PLA2G7: variants seen among roughly 807,000 people sequenced by gnomAD.
The protein encoded by PLA2G7 is platelet-activating factor acetylhydrolase.
A neutral mutation model predicts 49.6 loss-of-function variants in PLA2G7; 63 were observed. The ratio of observed to expected loss-of-function variants is 1.27; its 90% CI spans 1.04 to 1.57. The LOEUF (loss-of-function observed/expected upper bound fraction) is 1.57. PLA2G7 is among the 40% of genes most tolerant of loss of function. The pLI, the probability that PLA2G7 is intolerant of heterozygous loss-of-function variation, is 0.00. For synonymous variants in PLA2G7, 193 were observed against 169.9 expected, an observed-to-expected ratio of 1.14 and a Z score of -1.06; for missense variants, 596 against 521.2, an observed-to-expected ratio of 1.14 and a Z score of -1.40.
At chr6:46,723,283 A>T (rs1225438663) in intron 1 of PLA2G7, among the ~76,000 whole-genome samples, 1 of 152,222 alleles carries the variant, frequency 6.6e-6, no homozygotes, top group Non-Finnish European at 1.5e-5. Flanking sequence ...AATAATATCC[A>T]TAGGTATGTC....
At chr6:46,721,293 C>A (rs1205258609) in intron 2 of PLA2G7, among the ~76,000 whole-genome samples, 1 of 151,934 alleles carries the variant, frequency 6.6e-6, no homozygotes, top group Non-Finnish European at 1.5e-5. Context: ...AGTGATCCAC[C>A]CACCTCGGCC....
At chr6:46,734,028 A>G (rs1353970453) in intron 1 of PLA2G7, among the ~76,000 whole-genome samples, 3 of 152,194 alleles carry the variant, frequency 2.0e-5, no homozygotes, top group African/African-American at 7.2e-5. Flanking sequence ...TCACCACTGC[A>G]GTAATCCCAA....
chr6:46,734,413 TGTGAGAGAGAGAGAGAGAGAGA>T (rs1765831988), intron 1 of PLA2G7, among the ~76,000 whole-genome samples: 1 of 56,710 alleles, frequency 1.8e-5, no homozygotes, highest in African/African-American at 1.7e-4. Flanking sequence ...TGTGTGTGTG[TGTGAGAGAGAGAGAGAGAGAGA>T]GAGAGAGAGA....
At chr6:46,733,643 G>A (rs150258641) in intron 1 of PLA2G7, among the ~76,000 whole-genome samples, 9 of 152,360 alleles carry the variant, frequency 5.9e-5, no homozygotes, top group African/African-American at 1.2e-4. Context: ...CCAAGGTGGT[G>A]CGCTGTCTCA....
intron 2 of PLA2G7, among the ~76,000 whole-genome samples, chr6:46,719,115 C>T (rs964198901): frequency 6.6e-6 from 1 of 152,230 alleles, no homozygotes; most frequent in African/African-American, 2.4e-5. Flanking sequence ...CAGACTCTCA[C>T]TTTTCTTGAC....
At chr6:46,709,046 T>TA (rs1468480712) in intron 9 of PLA2G7, among the ~76,000 whole-genome samples, 6 of 151,814 alleles carry the variant, frequency 4.0e-5, no homozygotes, top group African/African-American at 1.2e-4. Flanking sequence ...TCACAAAAAA[T>TA]TATATAAAGA....
chr6:46,705,032 ACTG>A (rs1298673342), intron 11 of PLA2G7, 118 bp downstream of exon 11: 4 of 769,734 alleles, frequency 5.2e-6, no homozygotes, highest in Admixed American at 4.6e-5. Context: ...AAATTGATAT[ACTG>A]CTTTGTTCCA....
intron 1 of PLA2G7, among the ~76,000 whole-genome samples, chr6:46,734,070 T>C (rs1367741971): frequency 6.6e-6 from 1 of 152,088 alleles, no homozygotes; most frequent in African/African-American, 2.4e-5. Context: ...GCCCGAACTT[T>C]TCGTTTTTGG....
At chr6:46,706,134 A>G (rs1246525410) in intron 10 of PLA2G7, among the ~76,000 whole-genome samples, 6 of 152,236 alleles carry the variant, frequency 3.9e-5, no homozygotes, top group African/African-American at 4.8e-5. Context: ...GTGGCCAGAC[A>G]TCTGTGTACA....
chr6:46,734,548 C>T (rs1765853555), intron 1 of PLA2G7, among the ~76,000 whole-genome samples: 1 of 151,028 alleles, frequency 6.6e-6, no homozygotes, highest in Non-Finnish European at 1.5e-5. Context: ...CCGGGGCGGG[C>T]GCGGTGGCTC....
chr6:46,734,362 G>C (rs1765826768), intron 1 of PLA2G7, among the ~76,000 whole-genome samples: 1 of 150,226 alleles, frequency 6.7e-6, no homozygotes, highest in African/African-American at 2.4e-5. Flanking sequence ...AGAGAGCGGA[G>C]GGAGAGAGAG....
chr6:46,708,547 A>T (rs1431313739), intron 9 of PLA2G7, among the ~76,000 whole-genome samples: 1 of 152,190 alleles, frequency 6.6e-6, no homozygotes, highest in African/African-American at 2.4e-5. Context: ...TGTATTTATT[A>T]TAGCTTTATT....
chr6:46,712,064 G>A (rs1055028340), intron 6 of PLA2G7, among the ~76,000 whole-genome samples: 1 of 152,156 alleles, frequency 6.6e-6, no homozygotes, highest in Admixed American at 6.5e-5. Context: ...ATAGGACATG[G>A]CAGGCAATAA....
chr6:46,707,891 C>T (rs1764880106), intron 10 of PLA2G7, 100 bp downstream of exon 10: 2 of 727,132 alleles, frequency 2.8e-6, no homozygotes, highest in Non-Finnish European at 4.7e-6. Flanking sequence ...GTCTAAACAA[C>T]CAATTCAGCA....
At position 46,717,014 on chromosome 6, in the gene PLA2G7, G is replaced by A. The variant is rs756433668; in HGVS notation, c.192C>T (p.Ser64=). ...CAAACATTAAGTCTGTACAACCAAC[G>A]GAATAAGGCCCATTTCCCCGGGGGA... The part of the protein sequence containing the change: ...TKIPRGNGPY[S]VGCTDLMFDH... Residue 64 remains serine (S), a synonymous_variant, in exon 3 of 12, where the codon TCC becomes TCT. Transcript: ENST00000274793. 1.2e-5 allele frequency: 19 copies of A among 1,613,406 alleles called. No individual in the cohort carries two copies. The highest frequency in any genetic ancestry group is 5.0e-5 in the Admixed American group (3 of 60,020).
chr6:46,729,759 C>A (rs1562081270), intron 1 of PLA2G7, among the ~76,000 whole-genome samples: 1 of 152,162 alleles, frequency 6.6e-6, no homozygotes, highest in Non-Finnish European at 1.5e-5. Flanking sequence ...CTGGCCTCTA[C>A]CCACTAGATG....
chr6:46,709,299 C>G, intron 9 of PLA2G7, 28 bp downstream of exon 9: 1 of 1,217,204 alleles, frequency 8.2e-7, no homozygotes, highest in Non-Finnish European at 1.2e-6. Flanking sequence ...ATTTACTATT[C>G]TCTTGCTTTA....
At chr6:46,732,980 A>C (rs1765782988) in intron 1 of PLA2G7, among the ~76,000 whole-genome samples, 1 of 152,344 alleles carries the variant, frequency 6.6e-6, no homozygotes, top group East Asian at 1.9e-4. Flanking sequence ...GAATCTTGAA[A>C]AAAAATTAGG....
At chr6:46,733,726 C>G (rs1033234949) in intron 1 of PLA2G7, among the ~76,000 whole-genome samples, 2 of 152,198 alleles carry the variant, frequency 1.3e-5, no homozygotes, top group African/African-American at 4.8e-5. Flanking sequence ...ACCAGTGCCT[C>G]GTGACCAGAA....
Sources: gnomAD v4.1 joint callset for allele counts (sites outside exome capture counted in the v4.1 genomes callset) on GRCh38, gnomAD v4.1.1 for gene constraint, MANE v1.5 for transcripts, NCBI Gene and HGNC (gene_info 2026-07-23, HGNC 2026-07-21) for gene names.